Variants in B3GALT1 observed in about 807,000 individuals in gnomAD.
The protein encoded by B3GALT1 is beta-1,3-galactosyltransferase 1, also known as UDP-Gal:betaGlcNAc beta 1,3-galactosyltransferase, polypeptide 1.
In B3GALT1, 10 loss-of-function variants were observed where a neutral mutation model predicts 23.2. The observed-to-expected ratio is 0.43, with a 90% confidence interval of 0.27 to 0.73. The LOEUF (loss-of-function observed/expected upper bound fraction) is 0.73. Ranked by LOEUF, B3GALT1 falls within the 30% of genes least tolerant of loss-of-function variation. B3GALT1 has a pLI of 0.21. For missense variants in B3GALT1, 299 were observed against 405.4 expected (o/e 0.74, Z 2.25); for synonymous variants, 156 against 141.5 (o/e 1.10, Z -0.73).
At chr2:167,742,302 C>T (rs940789648) in intron 3 of B3GALT1, among the ~76,000 whole-genome samples, 2 of 152,112 alleles carry the variant, frequency 1.3e-5, no homozygotes, top group Admixed American at 1.3e-4. Context: ...ATGCAGAGTA[C>T]ACTGCAGTGT....
At chr2:167,603,946 T>C (rs1684917228) in intron 2 of B3GALT1, among the ~76,000 whole-genome samples, 1 of 152,144 alleles carries the variant, frequency 6.6e-6, no homozygotes. Context: ...TTGAATAATT[T>C]AAAATTTCTG....
intron 3 of B3GALT1, among the ~76,000 whole-genome samples, chr2:167,807,689 A>G (rs1231045540): frequency 3.3e-5 from 5 of 152,192 alleles, no homozygotes; most frequent in Admixed American, 3.3e-4. Flanking sequence ...ACAGTTTGTT[A>G]TAATTTCTGT....
At chr2:167,462,039 G>T (rs976145155) in intron 1 of B3GALT1, among the ~76,000 whole-genome samples, 1 of 152,144 alleles carries the variant, frequency 6.6e-6, no homozygotes, top group African/African-American at 2.4e-5. Context: ...CAAGCTACCA[G>T]TGTGTCATCA....
chr2:167,441,410 T>G (rs1698891464), intron 1 of B3GALT1, among the ~76,000 whole-genome samples: 1 of 152,194 alleles, frequency 6.6e-6, no homozygotes, highest in South Asian at 2.1e-4. Context: ...CTTCAGCCTT[T>G]CTCCCAGTCT....
At chr2:167,367,644 G>A (rs1403898) in intron 1 of B3GALT1, among the ~76,000 whole-genome samples, 128,139 of 152,162 alleles carry the variant, frequency 0.84, 54,728 homozygotes, top group East Asian at 0.94. Context: ...CATTGTCAAC[G>A]ACTTTACATC....
intron 3 of B3GALT1, among the ~76,000 whole-genome samples, chr2:167,669,708 T>C (rs977221834): frequency 2.6e-5 from 4 of 152,192 alleles, no homozygotes; most frequent in Admixed American, 2.6e-4. Flanking sequence ...TTGAAAAACA[T>C]ATTCTGAGAA....
chr2:167,351,635 T>A (rs558739055), intron 1 of B3GALT1, among the ~76,000 whole-genome samples: 2 of 152,250 alleles, frequency 1.3e-5, no homozygotes, highest in Admixed American at 6.5e-5. Context: ...TCAGTGATGT[T>A]TATATTTCTG....
chr2:167,523,948 T>C (rs185477563), intron 2 of B3GALT1, among the ~76,000 whole-genome samples: 63 of 152,304 alleles, frequency 4.1e-4, no homozygotes, highest in Admixed American at 8.5e-4. Context: ...ATTTAGCAAA[T>C]TTTCAAATTT....
chr2:167,514,952 A>G (rs1227108), intron 2 of B3GALT1, among the ~76,000 whole-genome samples: 7,129 of 152,202 alleles, frequency 0.047, 555 homozygotes, highest in African/African-American at 0.16. Context: ...ATAAACTACT[A>G]TAATTTGTTA....
intron 1 of B3GALT1, among the ~76,000 whole-genome samples, chr2:167,355,684 T>C (rs1395102820): frequency 3.3e-5 from 5 of 152,186 alleles, no homozygotes; most frequent in African/African-American, 1.2e-4. Flanking sequence ...TTCCTGAAAT[T>C]CAGAATACTT....
chr2:167,592,976 C>T (rs1257584416), intron 2 of B3GALT1, among the ~76,000 whole-genome samples: 1 of 152,152 alleles, frequency 6.6e-6, no homozygotes, highest in Non-Finnish European at 1.5e-5. Context: ...ACCTATCAAA[C>T]TAACAGAAGT....
intron 2 of B3GALT1, among the ~76,000 whole-genome samples, chr2:167,508,275 T>C (rs945858842): frequency 8.3e-6 from 1 of 120,624 alleles, no homozygotes; most frequent in East Asian, 3.3e-4. Context: ...TTTTTTTTTT[T>C]CAGACGGAGT....
At position 167,501,520 on chromosome 2, in the gene B3GALT1, A is replaced by T. The variant is rs1040974677; in HGVS notation, c.-410+11243A>T. ...TTTTTGTTTAAAGTTTAAACTTAAA[A>T]GACAGCAACAAAACCAAGATAAAAA... On this transcript the variant is annotated intron_variant, in intron 2 of 4. Transcript: ENST00000392690. 3.3e-5 allele frequency among the ~76,000 whole-genome samples: 5 copies of T among 151,930 alleles called. No individual in the cohort carries two copies. In the East Asian group the frequency reaches 9.6e-4, roughly 29 times the overall value.
chr2:167,530,154 C>G (rs1442986643), intron 2 of B3GALT1, among the ~76,000 whole-genome samples: 2 of 135,276 alleles, frequency 1.5e-5, no homozygotes, highest in Non-Finnish European at 3.1e-5. Context: ...CAGATATTAG[C>G]AGAGCTTGCT....
chr2:167,820,679 T>C (rs1168417719), intron 4 of B3GALT1, among the ~76,000 whole-genome samples: 1 of 152,162 alleles, frequency 6.6e-6, no homozygotes, highest in Non-Finnish European at 1.5e-5. Flanking sequence ...GCCACTAAAA[T>C]ATGGAAGCTA....
At chr2:167,666,758 G>C (rs536153198) in intron 3 of B3GALT1, among the ~76,000 whole-genome samples, 38 of 152,226 alleles carry the variant, frequency 2.5e-4, no homozygotes, top group African/African-American at 9.2e-4. Context: ...TTTTATCAGA[G>C]ACTAGGTTTG....
chr2:167,433,459 C>T (rs1574076433), intron 1 of B3GALT1, among the ~76,000 whole-genome samples: 2 of 152,202 alleles, frequency 1.3e-5, no homozygotes, highest in African/African-American at 2.4e-5. Flanking sequence ...TATCTGCTTC[C>T]TCTTTTTGAC....
rs147316088 is a variant in B3GALT1 at position 167,446,712 on chromosome 2, T to G, written c.-510-43465T>G. 7.4e-4 allele frequency among the ~76,000 whole-genome samples: 113 copies of G among 152,332 alleles called. 1 individual carries two copies. In the East Asian group the frequency reaches 0.018, roughly 24 times the overall value. On this transcript the variant is annotated intron_variant, in intron 1 of 4. Transcript: ENST00000392690. The stretch of plus-strand genomic sequence containing the variant: ...TCTCGTTCCATGGTTTTCAGGTCCA[T>G]CAGGTCATTTAAGGACTTCTCTACA...
At chr2:167,545,236 T>C (rs192338853) in intron 2 of B3GALT1, among the ~76,000 whole-genome samples, 181 of 151,846 alleles carry the variant, frequency 1.2e-3, no homozygotes, top group Non-Finnish European at 1.9e-3. Context: ...AGGGTTTCAC[T>C]GTGTTAGCCA....
Sources: allele counts gnomAD v4.1 joint callset (sites outside exome capture counted in the v4.1 genomes callset), GRCh38; gene constraint gnomAD v4.1.1; transcripts MANE v1.5; gene names NCBI Gene and HGNC (gene_info 2026-07-23, HGNC 2026-07-21).